Variants in SNX25 observed in about 807,000 individuals in gnomAD.
The protein encoded by SNX25 is sorting nexin 25, also known as sorting nexin-25.
Under a neutral mutation model 113.7 loss-of-function variants are expected in SNX25, and 62 were observed. That is an observed-to-expected ratio of 0.55 (90% confidence interval 0.44 to 0.67). The LOEUF is 0.67. Ranked by LOEUF, SNX25 falls within the 30% of genes least tolerant of loss-of-function variation. SNX25 has a pLI of 0.00. For synonymous variants in SNX25, 421 were observed against 436.2 expected, an observed-to-expected ratio of 0.97 and a Z score of 0.43; for missense variants, 1,014 against 1,161.0, an observed-to-expected ratio of 0.87 and a Z score of 1.84.
intron 6 of SNX25, among the ~76,000 whole-genome samples, chr4:185,306,559 A>G (rs1166312072): frequency 6.6e-6 from 1 of 152,162 alleles, no homozygotes; most frequent in Non-Finnish European, 1.5e-5. Context: ...AAAAGAATGT[A>G]ATGGTTGGTA....
At chr4:185,269,612 T>C (rs1206827655) in intron 5 of SNX25, among the ~76,000 whole-genome samples, 1 of 152,230 alleles carries the variant, frequency 6.6e-6, no homozygotes, top group Admixed American at 6.5e-5. Context: ...GTATTCCTTG[T>C]TCTTACAGAC....
At chr4:185,332,172 G>A (rs572820728) in intron 9 of SNX25, among the ~76,000 whole-genome samples, 1 of 152,224 alleles carries the variant, frequency 6.6e-6, no homozygotes, top group Non-Finnish European at 1.5e-5. Flanking sequence ...TGGGAATATG[G>A]TAATTTTCTT....
At chr4:185,267,209 C>T (rs1748241395) in intron 5 of SNX25, 54 bp downstream of exon 5, 1 of 1,515,576 alleles carries the variant, frequency 6.6e-7, no homozygotes, top group Non-Finnish European at 8.9e-7. Flanking sequence ...CATCCCCTGC[C>T]TAGTTAGGTT....
In SNX25 at chr4:185,303,144, T is replaced by A. The variant is rs185150974; in HGVS notation, c.1163-7491T>A. ...AAACTTGAGCCCAAGTCTCCTGAGT[T>A]TCGTCCTGGGCTCCTGCTCACAACA... On this transcript the variant is annotated intron_variant, in intron 6 of 18. Coordinates refer to ENST00000652585, the MANE Select transcript of SNX25 (RefSeq NM_001378034.2). 1.6e-4 allele frequency among the ~76,000 whole-genome samples: 25 copies of A among 152,260 alleles called. No homozygotes were observed. The East Asian group carries it at 4.4e-3, about 27-fold the overall frequency.
At chr4:185,207,199 A>C (rs1328568304), upstream of SNX25, among the ~76,000 whole-genome samples, 1 of 149,432 alleles carries the variant, frequency 6.7e-6, no homozygotes, top group Non-Finnish European at 1.5e-5. Flanking sequence ...ACCTAAATTT[A>C]ACCAGTCACA....
chr4:185,268,803 A>G (rs1005070052), intron 5 of SNX25, among the ~76,000 whole-genome samples: 14 of 152,228 alleles, frequency 9.2e-5, no homozygotes, highest in Admixed American at 2.0e-4. Flanking sequence ...TAGGTGTCAC[A>G]AATACATAAT....
chr4:185,282,287 G>A (rs897239750), intron 5 of SNX25, among the ~76,000 whole-genome samples: 3 of 151,950 alleles, frequency 2.0e-5, no homozygotes, highest in Admixed American at 6.6e-5. Context: ...TCAGCCTCCC[G>A]AGTAGCTGGG....
intron 1 of SNX25, among the ~76,000 whole-genome samples, chr4:185,228,052 G>T (rs180878561): frequency 9.9e-5 from 15 of 152,280 alleles, no homozygotes; most frequent in African/African-American, 3.4e-4. Flanking sequence ...AGGACCGAGG[G>T]TGTGCCCCGG....
chr4:185,363,351 A>G lies in SNX25; in HGVS notation c.2935-34A>G, dbSNP rs2095375223. On this transcript the variant is annotated intron_variant, in intron 18 of 18. Transcript: ENST00000652585. The surrounding 1 kb of genome is among the most constrained non-coding windows in gnomAD (Gnocchi z 4.2). ...TTTGAATAAACCCTTGGAGAAAAAC[A>G]TTTTTCCACTTTTTTCCTTCTTTGT... 1 of 1,607,692 alleles carries G rather than the reference A, an allele frequency of 6.2e-7. No homozygotes were observed. The highest frequency in any genetic ancestry group is 8.5e-7 in the Non-Finnish European group (1 of 1,174,820).
intron 7 of SNX25, among the ~76,000 whole-genome samples, chr4:185,316,221 G>T (rs2095073233): frequency 6.6e-6 from 1 of 152,120 alleles, no homozygotes; most frequent in South Asian, 2.1e-4. Flanking sequence ...TCCTGGTTCA[G>T]GCTCTTCCTG....
chr4:185,299,601 T>G (rs1484493977), intron 6 of SNX25, among the ~76,000 whole-genome samples: 1 of 152,202 alleles, frequency 6.6e-6, no homozygotes, highest in African/African-American at 2.4e-5. Context: ...CACTGATATA[T>G]TCATATTTGC....
At chr4:185,276,356 A>G (rs1321396477) in intron 5 of SNX25, among the ~76,000 whole-genome samples, 7 of 152,366 alleles carry the variant, frequency 4.6e-5, no homozygotes, top group Non-Finnish European at 8.8e-5. Flanking sequence ...AACAGTGATC[A>G]ATTTCTAGTG....
At chr4:185,370,790 G>A (rs758697369), downstream of SNX25, 15 of 1,614,000 alleles carry the variant, frequency 9.3e-6, no homozygotes, top group Middle Eastern at 1.6e-4. Flanking sequence ...TGGGGATGTC[G>A]TGAACCTCAT....
At chr4:185,336,571 G>C (rs1007225567) in intron 10 of SNX25, among the ~76,000 whole-genome samples, 3 of 152,192 alleles carry the variant, frequency 2.0e-5, no homozygotes, top group African/African-American at 7.2e-5. Flanking sequence ...TGATTAATGG[G>C]CATTTGGGCT....
intron 14 of SNX25, among the ~76,000 whole-genome samples, chr4:185,351,911 T>TGGGGGGGGG (rs568440408): frequency 1.6e-5 from 2 of 127,782 alleles, no homozygotes; most frequent in Admixed American, 7.8e-5. Flanking sequence ...CATTGCGGGG[T>TGGGGGGGGG]GGGGGGGTTC....
intron 8 of SNX25, among the ~76,000 whole-genome samples, chr4:185,322,625 A>C (rs1408467216): frequency 1.3e-5 from 2 of 152,204 alleles, no homozygotes; most frequent in Admixed American, 1.3e-4. Context: ...ATTTTATCCA[A>C]TATTGTAGTT....
At chr4:185,266,892 C>A in intron 4 of SNX25, 77 bp from the exon 5 acceptor site, 1 of 1,399,516 alleles carries the variant, frequency 7.1e-7, no homozygotes, top group Non-Finnish European at 9.8e-7. Flanking sequence ...CAAATGTAGT[C>A]TCAGTTATGT....
At chr4:185,310,849 C>T (rs779345694) in intron 7 of SNX25, 33 bp downstream of exon 7, 1 of 1,548,930 alleles carries the variant, frequency 6.5e-7, no homozygotes, top group Admixed American at 2.1e-5. Context: ...TTTGACCCTA[C>T]CAAGTTTATT....
intron 5 of SNX25, among the ~76,000 whole-genome samples, chr4:185,279,971 AGTGCAGTGGC>A (rs1750330955): frequency 6.6e-6 from 1 of 151,938 alleles, no homozygotes; most frequent in African/African-American, 2.4e-5. Context: ...CCCAGGCTGG[AGTGCAGTGGC>A]GCGATCACAG....
Sources: allele counts gnomAD v4.1 joint callset (sites outside exome capture counted in the v4.1 genomes callset), GRCh38; gene constraint gnomAD v4.1.1; non-coding constraint Gnocchi (gnomAD v3.1); transcripts MANE v1.5; gene names NCBI Gene and HGNC (gene_info 2026-07-23, HGNC 2026-07-21).